The following SORBS2 variants were observed in gnomAD, a reference collection of about 807,000 sequenced individuals.
The protein encoded by SORBS2 is sorbin and SH3 domain containing 2.
Under a neutral mutation model 97.7 loss-of-function variants are expected in SORBS2, and 46 were observed. The ratio of observed to expected loss-of-function variants is 0.47; its 90% CI spans 0.37 to 0.60. The LOEUF (loss-of-function observed/expected upper bound fraction) is 0.60. Ranked by LOEUF, SORBS2 falls within the 20% of genes least tolerant of loss-of-function variation. The pLI, the probability that SORBS2 is intolerant of heterozygous loss-of-function variation, is 0.00. For missense variants in SORBS2, 1,316 were observed against 1,282.3 expected (o/e 1.03, Z -0.40); for synonymous variants, 476 against 473.4 (o/e 1.01, Z -0.07).
intron 1 of SORBS2, among the ~76,000 whole-genome samples, chr4:185,846,951 C>A (rs2099214882): frequency 6.6e-6 from 1 of 152,290 alleles, no homozygotes; most frequent in South Asian, 2.1e-4. Context: ...AGAATGATAA[C>A]ACCTTTGGTA....
At chr4:185,917,146 C>A (rs115281182) in intron 1 of SORBS2, among the ~76,000 whole-genome samples, 2 of 152,166 alleles carry the variant, frequency 1.3e-5, no homozygotes, top group Non-Finnish European at 2.9e-5. Flanking sequence ...TCCTGGAGGG[C>A]GGTGTGGCAG....
At chr4:185,692,817 C>CAG (rs533191406) in intron 2 of SORBS2, among the ~76,000 whole-genome samples, 120 of 152,018 alleles carry the variant, frequency 7.9e-4, no homozygotes, top group African/African-American at 2.8e-3. Context: ...CATACACACA[C>CAG]ACACGTATAT....
chr4:185,779,777 T>C (rs1239295772), intron 1 of SORBS2, among the ~76,000 whole-genome samples: 1 of 152,174 alleles, frequency 6.6e-6, no homozygotes, highest in Non-Finnish European at 1.5e-5. Context: ...TTGTCTAGTA[T>C]CCCAGGAGAA....
chr4:185,611,522 C>T (rs1444087067), intron 12 of SORBS2, among the ~76,000 whole-genome samples: 1 of 152,050 alleles, frequency 6.6e-6, no homozygotes, highest in Admixed American at 6.6e-5. Context: ...ATGATACTCT[C>T]GTTTTCTCTT....
chr4:185,857,830 C>CTA (rs1165805923), intron 1 of SORBS2, among the ~76,000 whole-genome samples: 2 of 152,204 alleles, frequency 1.3e-5, no homozygotes, highest in Non-Finnish European at 2.9e-5. Flanking sequence ...CCGGTGAATT[C>CTA]TAGTCAGACC....
chr4:185,690,634 A>G, intron 2 of SORBS2, 23 bp from the exon 4 acceptor site: 1 of 1,069,392 alleles, frequency 9.4e-7, no homozygotes, highest in South Asian at 1.6e-5. Context: ...AATGGTGCAT[A>G]ATTGTTCACT....
intron 2 of SORBS2, among the ~76,000 whole-genome samples, chr4:185,712,151 A>C (rs1046503976): frequency 6.6e-6 from 1 of 152,118 alleles, no homozygotes; most frequent in African/African-American, 2.4e-5. Context: ...TACCCGCTAA[A>C]ATGTTGCCTT....
In SORBS2 at chr4:185,947,177, T is replaced by C. The variant is rs1244662873; in HGVS notation, c.-338+9019A>G. On this transcript the variant is annotated intron_variant, in intron 1 of 20. Transcript: ENST00000284776. Reference sequence around the variant, plus strand: ...CTCCCTACCCCTTATCCAGGAAAAGTGCAACCTGTGCATGTGGTTGGTCTT... The same window carrying C: ...CTCCCTACCCCTTATCCAGGAAAAGCGCAACCTGTGCATGTGGTTGGTCTT... 3.3e-5 allele frequency among the ~76,000 whole-genome samples: 5 copies of C among 152,328 alleles called. No homozygotes were observed. In the East Asian group the frequency reaches 7.7e-4, roughly 23 times the overall value.
At chr4:185,645,958 G>T (rs2097200709) in intron 4 of SORBS2, 1 of 152,248 alleles carries the variant, frequency 6.6e-6, no homozygotes, top group East Asian at 1.9e-4. Context: ...CTTCTTAAGT[G>T]TATAGATATT....
chr4:185,803,342 G>A (rs1395304372), intron 1 of SORBS2, among the ~76,000 whole-genome samples: 1 of 152,110 alleles, frequency 6.6e-6, no homozygotes, highest in Non-Finnish European at 1.5e-5. Flanking sequence ...CCGTTTTAAG[G>A]GTATGTTTTC....
intron 1 of SORBS2, among the ~76,000 whole-genome samples, chr4:185,902,464 C>T (rs1047724396): frequency 6.6e-6 from 1 of 152,026 alleles, no homozygotes; most frequent in African/African-American, 2.4e-5. Context: ...TGTGAAGTAA[C>T]TGAACCAAGT....
intron 1 of SORBS2, among the ~76,000 whole-genome samples, chr4:185,900,428 A>G (rs1172791102): frequency 2.6e-5 from 4 of 152,186 alleles, no homozygotes; most frequent in Non-Finnish European, 5.9e-5. Flanking sequence ...TATGAAGATC[A>G]AAGAAGCCAG....
At chr4:185,810,944 T>C (rs2099179053) in intron 1 of SORBS2, 2 of 152,226 alleles carry the variant, frequency 1.3e-5, no homozygotes, top group Non-Finnish European at 2.9e-5. Context: ...ATACCTCAGC[T>C]GTCCTAGAAC....
intron 2 of SORBS2, among the ~76,000 whole-genome samples, chr4:185,687,899 T>C (rs920406047): frequency 6.6e-6 from 1 of 152,246 alleles, no homozygotes; most frequent in African/African-American, 2.4e-5. Context: ...ACAAGGATGC[T>C]ACCTTTCATG....
intron 2 of SORBS2, among the ~76,000 whole-genome samples, chr4:185,698,147 C>T (rs180959489): frequency 6.6e-6 from 1 of 152,276 alleles, no homozygotes; most frequent in East Asian, 1.9e-4. Context: ...AAATAATAGG[C>T]ATCCTCCTTT....
intron 1 of SORBS2, among the ~76,000 whole-genome samples, chr4:185,805,638 A>C (rs10013461): frequency 9.2e-5 from 14 of 152,112 alleles, no homozygotes; most frequent in African/African-American, 3.4e-4. Flanking sequence ...GGTCCATCCA[A>C]CAACACCGGT....
At chr4:185,624,333 G>C (rs769850408) in exon 7 of SORBS2, 2 of 1,614,108 alleles carry the variant, frequency 1.2e-6, no homozygotes, top group Non-Finnish European at 8.5e-7. Flanking sequence ...GCGTTTTGCC[G>C]GGCCATTTGC....
At chr4:185,780,768 C>T (rs1386288303) in intron 1 of SORBS2, among the ~76,000 whole-genome samples, 1 of 152,130 alleles carries the variant, frequency 6.6e-6, no homozygotes, top group Non-Finnish European at 1.5e-5. Flanking sequence ...GATTTGTCAT[C>T]ACATGTGTCA....
chr4:185,765,469 C>T (rs751184685), intron 2 of SORBS2, among the ~76,000 whole-genome samples: 5 of 151,984 alleles, frequency 3.3e-5, no homozygotes, highest in Non-Finnish European at 5.9e-5. Flanking sequence ...TAACATCAAA[C>T]GTTTTTTAAT....
Sources: gnomAD v4.1 joint callset for allele counts (sites outside exome capture counted in the v4.1 genomes callset) on GRCh38, gnomAD v4.1.1 for gene constraint, MANE v1.5 for transcripts, NCBI Gene and HGNC (gene_info 2026-07-23, HGNC 2026-07-21) for gene names.